XKR4: variants seen among roughly 807,000 people sequenced by gnomAD.
XKR4 encodes XK-related protein 4.
XKR4 carries 12 observed loss-of-function variants against 53.9 expected under a neutral mutation model. The observed-to-expected ratio is 0.22, with a 90% CI of 0.14 to 0.36. The LOEUF (loss-of-function observed/expected upper bound fraction) is 0.36. Ranked by LOEUF, XKR4 falls within the 10% of genes least tolerant of loss-of-function variation. The probability of loss-of-function intolerance (pLI) is 1.00; values close to 1 mark genes in which losing one functional copy is unlikely to be tolerated. For synonymous variants in XKR4, 354 were observed against 362.4 expected (o/e 0.98, Z 0.26); for missense variants, 799 against 859.5 (o/e 0.93, Z 0.88).
intron 1 of XKR4, among the ~76,000 whole-genome samples, chr8:55,187,767 G>C (rs542636763): frequency 6.6e-6 from 1 of 152,302 alleles, no homozygotes; most frequent in South Asian, 2.1e-4. Flanking sequence ...ATGGTAGGCA[G>C]AGAAATTGAG....
chr8:55,410,725 T>A (rs1585560621), intron 2 of XKR4, among the ~76,000 whole-genome samples: 1 of 152,096 alleles, frequency 6.6e-6, no homozygotes. Flanking sequence ...CCTCCTGACA[T>A]CCAGGTTTCC....
At chr8:55,384,225 G>C (rs1009969466) in intron 2 of XKR4, among the ~76,000 whole-genome samples, 7 of 152,188 alleles carry the variant, frequency 4.6e-5, no homozygotes, top group Non-Finnish European at 8.8e-5. Flanking sequence ...CGGAGGCTAA[G>C]TTTGGAAGAA....
intron 1 of XKR4, among the ~76,000 whole-genome samples, chr8:55,166,701 A>G (rs1339243301): frequency 2.0e-5 from 3 of 152,190 alleles, no homozygotes; most frequent in Non-Finnish European, 4.4e-5. Flanking sequence ...ATTATGTGAT[A>G]TGTGGGAATA....
chr8:55,455,015 G>A (rs1234629839), intron 2 of XKR4: 2 of 774,094 alleles, frequency 2.6e-6, no homozygotes, highest in South Asian at 1.4e-5. Flanking sequence ...AAACAGCTGG[G>A]GGAATGGGTT....
chr8:55,450,383 C>T (rs1805419498), intron 2 of XKR4: 2 of 622,032 alleles, frequency 3.2e-6, no homozygotes, highest in Admixed American at 2.8e-5. Flanking sequence ...TCTGTGTCCT[C>T]GGGTGCATTC....
intron 1 of XKR4, among the ~76,000 whole-genome samples, chr8:55,162,764 A>T (rs772699342): frequency 7.9e-5 from 12 of 152,218 alleles, no homozygotes; most frequent in African/African-American, 1.4e-4. Flanking sequence ...CCCTTTCAAT[A>T]TTTAAACTAC....
At chr8:55,112,285 A>G (rs1816242689) in intron 1 of XKR4, among the ~76,000 whole-genome samples, 1 of 152,196 alleles carries the variant, frequency 6.6e-6, no homozygotes. Context: ...TAAACAGAGC[A>G]GTGGGCATTG....
At chr8:55,177,971 A>T (rs1000892087) in intron 1 of XKR4, among the ~76,000 whole-genome samples, 2 of 152,212 alleles carry the variant, frequency 1.3e-5, no homozygotes, top group African/African-American at 4.8e-5. Context: ...AGGACACCTC[A>T]GTGCCCTGTG....
chr8:55,304,393 T>C (rs955480230), intron 1 of XKR4, among the ~76,000 whole-genome samples: 1 of 152,200 alleles, frequency 6.6e-6, no homozygotes, highest in African/African-American at 2.4e-5. Flanking sequence ...CTTTTACATT[T>C]GCTGAGGAGT....
At chr8:55,353,831 C>T (rs967372054) in intron 1 of XKR4, among the ~76,000 whole-genome samples, 12 of 152,126 alleles carry the variant, frequency 7.9e-5, no homozygotes, top group African/African-American at 1.9e-4. Context: ...AGCCGTGCAG[C>T]GGTGGGAGAA....
intron 2 of XKR4, among the ~76,000 whole-genome samples, chr8:55,391,801 A>G (rs1171797772): frequency 6.6e-6 from 1 of 152,338 alleles, no homozygotes; most frequent in Middle Eastern, 3.4e-3. Flanking sequence ...ACATAACTAC[A>G]AAGAAATGAC....
intron 2 of XKR4, among the ~76,000 whole-genome samples, chr8:55,438,097 G>T (rs1387746256): frequency 1.3e-5 from 2 of 152,064 alleles, no homozygotes; most frequent in Admixed American, 6.5e-5. Flanking sequence ...AGCAAGAGAG[G>T]GTGGCTTGAG....
chr8:55,121,833 T>C (rs1269236599), intron 1 of XKR4, among the ~76,000 whole-genome samples: 1 of 148,710 alleles, frequency 6.7e-6, no homozygotes, highest in African/African-American at 2.5e-5. Flanking sequence ...AATACAACAT[T>C]ACACACACAC....
chr8:55,247,924 C>T (rs1413642019), intron 1 of XKR4, among the ~76,000 whole-genome samples: 3 of 139,756 alleles, frequency 2.1e-5, no homozygotes, highest in East Asian at 2.1e-4. Flanking sequence ...GGCACAGTCT[C>T]GGCTCACTGC....
chr8:55,387,036 C>T (rs1182640764), intron 2 of XKR4, among the ~76,000 whole-genome samples: 7 of 152,128 alleles, frequency 4.6e-5, no homozygotes, highest in Non-Finnish European at 8.8e-5. Flanking sequence ...TTTAGCTGGG[C>T]TCTCTTTGTC....
At chr8:55,401,501 G>C (rs1804601416) in intron 2 of XKR4, among the ~76,000 whole-genome samples, 1 of 152,214 alleles carries the variant, frequency 6.6e-6, no homozygotes, top group South Asian at 2.1e-4. Context: ...CTGGAGGGCT[G>C]TCCACAGCTG....
rs1267955439 is a variant in XKR4 at position 55,526,686 on chromosome 8, G to T, written c.*2459G>T. 3.3e-5 allele frequency: 5 copies of T among 152,154 alleles called. No individual in the cohort carries two copies. The highest frequency in any genetic ancestry group is 5.9e-5 in the Non-Finnish European group (4 of 68,026). 9.4% of individuals were successfully genotyped at this position (152,154 alleles called of 1,614,324 possible). ...CCTTTGATTCTATGAGTAAATCACA[G>T]ATTACAGTCTAATAGAGTCAATCAA... On this transcript the variant is annotated 3_prime_UTR_variant, in exon 3 of 3. Coordinates refer to ENST00000327381, the MANE Select transcript of XKR4 (RefSeq NM_052898.2).
chr8:55,407,372 G>A (rs1360169556), intron 2 of XKR4, among the ~76,000 whole-genome samples: 2 of 152,240 alleles, frequency 1.3e-5, no homozygotes, highest in African/African-American at 4.8e-5. Context: ...ATTTGATTAT[G>A]GAGTTACAGT....
In XKR4 at chr8:55,530,001, T is replaced by C. The variant is rs976411154; in HGVS notation, c.*5774T>C. On this transcript the variant is annotated 3_prime_UTR_variant, in exon 3 of 3. Transcript: ENST00000327381. ...ATAAATATAAATTAACCTGATGCCA[T>C]GTCTCTTGTATTTTATATGTGTATG... is the stretch of plus-strand genomic sequence containing the variant. 3.8e-4 allele frequency: 58 copies of C among 152,166 alleles called. No individual in the cohort carries two copies. The highest frequency in any genetic ancestry group is 1.1e-3 in the African/African-American group (46 of 41,430). The allele number at this position is 152,166 out of a possible 1,614,324, so 9.4% of individuals were successfully genotyped here.
Sources: allele counts gnomAD v4.1 joint callset (sites outside exome capture counted in the v4.1 genomes callset), GRCh38; gene constraint gnomAD v4.1.1; transcripts MANE v1.5; gene names NCBI Gene and HGNC (gene_info 2026-07-23, HGNC 2026-07-21).